MINDY2: variants seen among roughly 807,000 people sequenced by gnomAD.
MINDY2 encodes MINDY lysine 48 deubiquitinase 2.
MINDY2 carries 52 observed loss-of-function variants against 68.2 expected under a neutral mutation model. The ratio of observed to expected loss-of-function variants is 0.76; its 90% CI spans 0.61 to 0.96. The LOEUF (loss-of-function observed/expected upper bound fraction) is 0.96, where lower values mean the gene tolerates loss of function less well. Ranked by LOEUF, MINDY2 falls within the 40% of genes least tolerant of loss-of-function variation. The pLI, the probability that MINDY2 is intolerant of heterozygous loss-of-function variation, is 0.00. For synonymous variants in MINDY2, 372 were observed against 303.0 expected, an observed-to-expected ratio of 1.23 and a Z score of -2.36; for missense variants, 881 against 773.4, an observed-to-expected ratio of 1.14 and a Z score of -1.65.
At chr15:58,839,317 TG>T (rs1449131532) in intron 6 of MINDY2, among the ~76,000 whole-genome samples, 1 of 99,328 alleles carries the variant, frequency 1.0e-5, no homozygotes, top group African/African-American at 3.8e-5. Context: ...TAAGTTAGAC[TG>T]TTTTTTTGTT....
chr15:58,802,615 T>G (rs968873013), intron 3 of MINDY2, among the ~76,000 whole-genome samples: 1 of 152,168 alleles, frequency 6.6e-6, no homozygotes, highest in African/African-American at 2.4e-5. Flanking sequence ...TCTCATTTTT[T>G]TCTCAGTATT....
intron 4 of MINDY2, among the ~76,000 whole-genome samples, chr15:58,813,451 G>T: frequency 6.6e-6 from 1 of 152,284 alleles, no homozygotes. Flanking sequence ...AGCCAAGATC[G>T]TGCCACTTCT....
chr15:58,819,544 T>C (rs1323832037), intron 4 of MINDY2, among the ~76,000 whole-genome samples: 5 of 152,244 alleles, frequency 3.3e-5, no homozygotes, highest in Admixed American at 1.3e-4. Flanking sequence ...ACAGGAGTTT[T>C]GCTGTGTTAC....
chr15:58,826,292 C>T (rs1010648457), intron 5 of MINDY2, among the ~76,000 whole-genome samples: 2 of 144,362 alleles, frequency 1.4e-5, no homozygotes, highest in African/African-American at 5.2e-5. Context: ...TACAATGGCG[C>T]AACCTTGGCT....
intron 2 of MINDY2, among the ~76,000 whole-genome samples, chr15:58,800,663 CTTTTT>C (rs576365812): frequency 7.1e-6 from 1 of 141,182 alleles, no homozygotes; most frequent in African/African-American, 2.6e-5. Flanking sequence ...TCCAGTTTAG[CTTTTT>C]TTTTTTTTTG....
chr15:58,846,979 TTGTA>T (rs778561193), intron 6 of MINDY2, among the ~76,000 whole-genome samples: 2 of 152,154 alleles, frequency 1.3e-5, no homozygotes, highest in Admixed American at 6.5e-5. Flanking sequence ...TTTCAGGAAT[TTGTA>T]TGGTATTTTT....
In MINDY2 at chr15:58,825,980, T is replaced by C. The variant is rs1248412359; in HGVS notation, c.1225+4161T>C. Reference sequence around the variant, plus strand: ...AAATATTTCTAGGATATGTATTCGTTAATTCAAATATTTATTGAGCCTTTA... The same window carrying C: ...AAATATTTCTAGGATATGTATTCGTCAATTCAAATATTTATTGAGCCTTTA... On this transcript the variant is annotated intron_variant, in intron 5 of 8. Coordinates refer to ENST00000559228, the MANE Select transcript of MINDY2 (RefSeq NM_001040450.3). 3.9e-5 allele frequency among the ~76,000 whole-genome samples: 6 copies of C among 152,300 alleles called. No homozygotes were observed. In the East Asian group the frequency reaches 1.2e-3, roughly 29 times the overall value.
intron 1 of MINDY2, among the ~76,000 whole-genome samples, chr15:58,782,056 C>G (rs1246409302): frequency 1.3e-5 from 2 of 151,872 alleles, no homozygotes; most frequent in Admixed American, 1.3e-4. Context: ...TGTGTAATAG[C>G]TTATAATACA....
At chr15:58,823,273 G>A (rs1411897822) in intron 5 of MINDY2, among the ~76,000 whole-genome samples, 1 of 151,874 alleles carries the variant, frequency 6.6e-6, no homozygotes, top group Non-Finnish European at 1.5e-5. Context: ...GAGTAGCTGG[G>A]ATTACAGGCA....
chr15:58,773,628 T>A (rs1249547311), intron 1 of MINDY2, among the ~76,000 whole-genome samples: 1 of 152,192 alleles, frequency 6.6e-6, no homozygotes, highest in Non-Finnish European at 1.5e-5. Context: ...AAGGGGACAT[T>A]TTCCTTTGGT....
chr15:58,798,275 C>T (rs1280043214), intron 2 of MINDY2, among the ~76,000 whole-genome samples: 5 of 151,596 alleles, frequency 3.3e-5, no homozygotes, highest in African/African-American at 1.2e-4. Context: ...CGCCACCATG[C>T]CCAGCTAATT....
chr15:58,789,565 C>T (rs1393541492), intron 2 of MINDY2, among the ~76,000 whole-genome samples: 1 of 151,892 alleles, frequency 6.6e-6, no homozygotes, highest in Non-Finnish European at 1.5e-5. Context: ...TCAGGTGATC[C>T]TCCCACCTCA....
chr15:58,784,294 C>T (rs1218842666), intron 1 of MINDY2, among the ~76,000 whole-genome samples: 2 of 151,996 alleles, frequency 1.3e-5, no homozygotes, highest in African/African-American at 4.8e-5. Context: ...CCACTGCGAT[C>T]CAGCCTGGAG....
At chr15:58,837,354 C>T (rs112518361) in intron 6 of MINDY2, among the ~76,000 whole-genome samples, 201 of 152,014 alleles carry the variant, frequency 1.3e-3, no homozygotes, top group African/African-American at 4.5e-3. Flanking sequence ...TGGACAGTCG[C>T]TTGAGGCCCA....
intron 6 of MINDY2, among the ~76,000 whole-genome samples, chr15:58,845,267 G>A (rs2032478166): frequency 6.6e-6 from 1 of 152,068 alleles, no homozygotes; most frequent in Non-Finnish European, 1.5e-5. Context: ...TTAGCCAGGT[G>A]TGATGGTGGG....
At chr15:58,842,832 A>G (rs1398766487) in intron 6 of MINDY2, among the ~76,000 whole-genome samples, 2 of 152,298 alleles carry the variant, frequency 1.3e-5, no homozygotes, top group African/African-American at 4.8e-5. Flanking sequence ...CTGAGGGAAC[A>G]TGTAAAGACC....
At chr15:58,843,301 C>CACT (rs1567073598) in intron 6 of MINDY2, among the ~76,000 whole-genome samples, 1 of 151,960 alleles carries the variant, frequency 6.6e-6, no homozygotes, top group Non-Finnish European at 1.5e-5. Flanking sequence ...AGGCATGTAC[C>CACT]ACTACACCTG....
At chr15:58,821,684 C>T in intron 4 of MINDY2, 33 bp from the exon 5 acceptor site, 2 of 1,323,724 alleles carry the variant, frequency 1.5e-6, no homozygotes, top group Non-Finnish European at 2.1e-6. Context: ...CCTAATCTTA[C>T]CATGATTAGT....
chr15:58,790,053 A>G (rs1400473530), intron 2 of MINDY2, among the ~76,000 whole-genome samples: 4 of 152,146 alleles, frequency 2.6e-5, no homozygotes, highest in Admixed American at 2.0e-4. Context: ...TGCTGGGATT[A>G]CAGGCATGAG....
Sources: gnomAD v4.1 joint callset for allele counts (sites outside exome capture counted in the v4.1 genomes callset) on GRCh38, gnomAD v4.1.1 for gene constraint, MANE v1.5 for transcripts, NCBI Gene and HGNC (gene_info 2026-07-23, HGNC 2026-07-21) for gene names.